Variants in GRM7 observed in about 807,000 individuals in gnomAD.
GRM7 encodes metabotropic glutamate receptor 7.
A neutral mutation model predicts 84.5 loss-of-function variants in GRM7; 35 were observed. That is an observed-to-expected ratio of 0.41 (90% CI 0.32 to 0.55). The LOEUF (loss-of-function observed/expected upper bound fraction) is 0.55, where lower values mean the gene tolerates loss of function less well. GRM7 is among the 20% of genes least tolerant of loss of function. The pLI is 0.19. For synonymous variants in GRM7, 487 were observed against 455.1 expected, an observed-to-expected ratio of 1.07 and a Z score of -0.89; for missense variants, 1,003 against 1,194.6, an observed-to-expected ratio of 0.84 and a Z score of 2.36.
chr3:7,644,334 G>T (rs1369201768), intron 8 of GRM7, among the ~76,000 whole-genome samples: 1 of 152,106 alleles, frequency 6.6e-6, no homozygotes, highest in African/African-American at 2.4e-5. Context: ...AGAGGAAGTT[G>T]TGGACATGCA....
intron 9 of GRM7, among the ~76,000 whole-genome samples, chr3:7,735,795 A>T (rs910730476): frequency 1.2e-4 from 19 of 152,162 alleles, no homozygotes; most frequent in Admixed American, 2.6e-4. Flanking sequence ...AGCCTCTGTA[A>T]GAGAATTTTT....
At chr3:7,173,699 AGGC>A (rs1695056827) in intron 2 of GRM7, among the ~76,000 whole-genome samples, 2 of 152,014 alleles carry the variant, frequency 1.3e-5, no homozygotes, top group Non-Finnish European at 2.9e-5. Context: ...ATACTCTCCT[AGGC>A]GTCCCCAGCC....
chr3:7,287,750 T>A (rs1033038673), intron 2 of GRM7, among the ~76,000 whole-genome samples: 74 of 151,618 alleles, frequency 4.9e-4, no homozygotes, highest in African/African-American at 1.6e-3. Flanking sequence ...ATCTCAAATT[T>A]AAAAAAAAAT....
At chr3:7,183,209 C>T (rs1695402272) in intron 2 of GRM7, among the ~76,000 whole-genome samples, 1 of 152,144 alleles carries the variant, frequency 6.6e-6, no homozygotes, top group South Asian at 2.1e-4. Flanking sequence ...TGGGCATTAA[C>T]TTTAAAGACT....
intron 1 of GRM7, among the ~76,000 whole-genome samples, chr3:7,101,254 C>A (rs1237818989): frequency 6.6e-6 from 1 of 151,760 alleles, no homozygotes. Context: ...ACCACAGACT[C>A]TCTAACTTTT....
intron 2 of GRM7, among the ~76,000 whole-genome samples, chr3:7,264,197 C>T (rs1575098053): frequency 6.6e-6 from 1 of 152,226 alleles, no homozygotes; most frequent in East Asian, 1.9e-4. Flanking sequence ...CCAGACTGGT[C>T]CCGTCTCATG....
intron 2 of GRM7, among the ~76,000 whole-genome samples, chr3:7,246,872 G>C (rs1028203131): frequency 2.6e-5 from 4 of 152,006 alleles, no homozygotes; most frequent in Non-Finnish European, 5.9e-5. Flanking sequence ...TATTGAAAAG[G>C]ACAAACATTG....
At chr3:7,665,413 G>A (rs1338885732) in intron 8 of GRM7, among the ~76,000 whole-genome samples, 2 of 151,784 alleles carry the variant, frequency 1.3e-5, no homozygotes, top group Non-Finnish European at 2.9e-5. Context: ...CTGACCTCGT[G>A]ATCCACCCGC....
rs189351081 is a variant in GRM7 at position 7,591,020 on chromosome 3, A to T, written c.2451+11663A>T. On this transcript the variant is annotated intron_variant, in intron 8 of 9. Transcript: ENST00000357716. ...TCCCTGTGGATTGGATGGAAGAATG[A>T]AAGAAGGAATGAATGAATCTGTTGT... 7.3e-4 allele frequency among the ~76,000 whole-genome samples: 111 copies of T among 152,308 alleles called. 1 individual carries two copies. The highest frequency in any genetic ancestry group is 2.6e-3 in the African/African-American group (108 of 41,566).
intron 1 of GRM7, among the ~76,000 whole-genome samples, chr3:7,082,223 A>G (rs753578685): frequency 1.5e-4 from 23 of 152,224 alleles, no homozygotes; most frequent in Non-Finnish European, 1.3e-4. Context: ...TCTTGTTAGG[A>G]GCTAATACAG....
chr3:6,919,010 C>A (rs1049139407), intron 1 of GRM7, among the ~76,000 whole-genome samples: 3 of 152,064 alleles, frequency 2.0e-5, no homozygotes, highest in Admixed American at 2.0e-4. Flanking sequence ...CTTTATGGCC[C>A]CGCTGCATAG....
intron 5 of GRM7, among the ~76,000 whole-genome samples, chr3:7,430,884 G>A (rs1278069305): frequency 6.6e-6 from 1 of 152,218 alleles, no homozygotes; most frequent in East Asian, 1.9e-4. Context: ...GGTCAAATAG[G>A]CTTGCTTAAA....
At chr3:7,572,851 T>A (rs1318021083) in intron 7 of GRM7, among the ~76,000 whole-genome samples, 4,262 of 28,800 alleles carry the variant, frequency 0.15, 941 homozygotes, top group Non-Finnish European at 0.2. Context: ...TATATATATA[T>A]ATATATATAT....
chr3:7,644,921 C>T (rs1421198979), intron 8 of GRM7, among the ~76,000 whole-genome samples: 1 of 152,068 alleles, frequency 6.6e-6, no homozygotes, highest in Non-Finnish European at 1.5e-5. Flanking sequence ...GCCTCCCTGC[C>T]CATCAGCCTC....
At chr3:7,265,041 T>A (rs1188675804) in intron 2 of GRM7, among the ~76,000 whole-genome samples, 1 of 152,236 alleles carries the variant, frequency 6.6e-6, no homozygotes, top group Non-Finnish European at 1.5e-5. Context: ...TCAAATCACT[T>A]GTACACCCCT....
chr3:7,686,392 T>C (rs1700586766), intron 9 of GRM7: 1 of 1,553,076 alleles, frequency 6.4e-7, no homozygotes, highest in Middle Eastern at 1.7e-4. Context: ...TGTACAAAAG[T>C]CTGTTACTTG....
chr3:7,428,618 G>A, intron 5 of GRM7, among the ~76,000 whole-genome samples: 1 of 152,050 alleles, frequency 6.6e-6, no homozygotes, highest in Non-Finnish European at 1.5e-5. Context: ...ACCATTTATA[G>A]TCCTGTGTGG....
At chr3:7,034,343 T>G (rs1323830418) in intron 1 of GRM7, among the ~76,000 whole-genome samples, 2 of 152,102 alleles carry the variant, frequency 1.3e-5, no homozygotes. Flanking sequence ...ATTCTGATAA[T>G]TAACCAACTT....
chr3:7,032,746 T>C (rs142082565), intron 1 of GRM7, among the ~76,000 whole-genome samples: 10 of 152,182 alleles, frequency 6.6e-5, no homozygotes, highest in Admixed American at 2.6e-4. Context: ...AGACCATAGA[T>C]TATGGGAGGG....
Sources: allele counts gnomAD v4.1 joint callset (sites outside exome capture counted in the v4.1 genomes callset), GRCh38; gene constraint gnomAD v4.1.1; transcripts MANE v1.5; gene names NCBI Gene and HGNC (gene_info 2026-07-23, HGNC 2026-07-21).